The following MCPH1 variants were observed in gnomAD, a reference collection of about 807,000 sequenced individuals.
MCPH1 encodes the protein microcephalin 1, also known as microcephalin.
Under a neutral mutation model 84.5 loss-of-function variants are expected in MCPH1, and 104 were observed. That is an observed-to-expected ratio of 1.23 (90% CI 1.05 to 1.45). The LOEUF (loss-of-function observed/expected upper bound fraction) is 1.45, where lower values mean the gene tolerates loss of function less well. Among genes scored for constraint, MCPH1 ranks in the 40% most tolerant of loss-of-function variants. MCPH1 has a pLI of 0.00. For synonymous variants in MCPH1, 514 were observed against 366.8 expected, an observed-to-expected ratio of 1.40 and a Z score of -4.58; for missense variants, 1,498 against 1,005.7, an observed-to-expected ratio of 1.49 and a Z score of -6.62.
chr8:6,430,025 C>G (rs1801613282), intron 3 of MCPH1, among the ~76,000 whole-genome samples: 1 of 152,198 alleles, frequency 6.6e-6, no homozygotes, highest in Non-Finnish European at 1.5e-5. Flanking sequence ...CACAATGTCA[C>G]CCTGTTTGCT....
chr8:6,424,037 G>C (rs1271441146), intron 3 of MCPH1, among the ~76,000 whole-genome samples: 2 of 152,128 alleles, frequency 1.3e-5, no homozygotes, highest in African/African-American at 4.8e-5. Context: ...CAATGCAGTA[G>C]CTCATGGTTT....
intron 12 of MCPH1, among the ~76,000 whole-genome samples, chr8:6,600,229 A>G (rs2515540): frequency 0.46 from 69,962 of 152,148 alleles, 18,131 homozygotes; most frequent in Middle Eastern, 0.62. Context: ...GGTATTTTTA[A>G]GACTCACTAG....
Position 6,623,364 on chromosome 8 carries a change from C to G in MCPH1, c.2452+1673C>G, listed in dbSNP as rs982894437. On this transcript the variant is annotated intron_variant, in intron 13 of 13. Transcript: ENST00000344683. The stretch of plus-strand genomic sequence containing the variant: ...CCTCTCTCTCTCTCAATCTCTCTCT[C>G]TCTCTCCTGTTCTCTCATTCTTTTT... 2.6e-5 allele frequency among the ~76,000 whole-genome samples: 4 copies of G among 152,038 alleles called. No individual in the cohort carries two copies. In the East Asian group the frequency reaches 5.8e-4, roughly 22 times the overall value.
intron 3 of MCPH1, among the ~76,000 whole-genome samples, chr8:6,418,784 G>A (rs1444582664): frequency 6.6e-6 from 1 of 152,106 alleles, no homozygotes; most frequent in Non-Finnish European, 1.5e-5. Context: ...GTTTCACCAT[G>A]TTGGCCAGGA....
rs1341422231 is a variant in MCPH1, at chr8:6,426,944, G to T, written c.234-4555G>T. Among the ~76,000 whole-genome samples the T allele has an allele frequency of 2.0e-5, 3 of 152,294 alleles. No homozygotes were observed. The South Asian group carries it at 6.2e-4, about 32-fold the overall frequency. Reference sequence around the variant, plus strand: ...TCAGGTATTGCTTGACGACAGGGATGCCTTCTGAGAAACGAATAGGTGATT... The same window carrying T: ...TCAGGTATTGCTTGACGACAGGGATTCCTTCTGAGAAACGAATAGGTGATT... On this transcript the variant is annotated intron_variant, in intron 3 of 13. Coordinates refer to ENST00000344683, the MANE Select transcript of MCPH1 (RefSeq NM_024596.5).
intron 12 of MCPH1, among the ~76,000 whole-genome samples, chr8:6,535,727 C>T (rs548844399): frequency 6.6e-6 from 1 of 152,014 alleles, no homozygotes; most frequent in Non-Finnish European, 1.5e-5. Context: ...CAAAAATGTG[C>T]AGTAGTAGAT....
intron 12 of MCPH1, among the ~76,000 whole-genome samples, chr8:6,504,186 C>T (rs1431038110): frequency 2.0e-5 from 3 of 151,638 alleles, no homozygotes; most frequent in Non-Finnish European, 2.9e-5. Context: ...GGCGTGGTGG[C>T]GGACGCCTGT....
At chr8:6,562,468 C>A (rs950437754) in intron 12 of MCPH1, among the ~76,000 whole-genome samples, 1 of 148,170 alleles carries the variant, frequency 6.7e-6, no homozygotes, top group African/African-American at 2.5e-5. Flanking sequence ...TACCCACACA[C>A]CCTGGGATAG....
intron 12 of MCPH1, among the ~76,000 whole-genome samples, chr8:6,590,221 C>G (rs561196860): frequency 6.7e-6 from 1 of 150,132 alleles, no homozygotes; most frequent in South Asian, 2.1e-4. Context: ...AAAAAAAATA[C>G]AGATCCAACT....
At chr8:6,534,278 G>A (rs1167263749) in intron 12 of MCPH1, among the ~76,000 whole-genome samples, 3 of 152,134 alleles carry the variant, frequency 2.0e-5, no homozygotes, top group Admixed American at 2.0e-4. Flanking sequence ...TATTTACATG[G>A]CATTGACATT....
intron 11 of MCPH1, among the ~76,000 whole-genome samples, chr8:6,498,706 T>A (rs1329877863): frequency 6.6e-6 from 1 of 152,228 alleles, no homozygotes; most frequent in Non-Finnish European, 1.5e-5. Context: ...TTGCCTCTTG[T>A]CTGAAATGAA....
At chr8:6,474,567 A>G (rs1808191165) in intron 9 of MCPH1, among the ~76,000 whole-genome samples, 1 of 152,226 alleles carries the variant, frequency 6.6e-6, no homozygotes, top group Non-Finnish European at 1.5e-5. Context: ...TGTTAAAAAA[A>G]GTTTGTCAGG....
At chr8:6,599,363 GC>G (rs1258684710) in intron 12 of MCPH1, among the ~76,000 whole-genome samples, 3 of 152,128 alleles carry the variant, frequency 2.0e-5, no homozygotes, top group African/African-American at 7.2e-5. Flanking sequence ...ATGACGCCAG[GC>G]CCCAACTGTT....
intron 12 of MCPH1, among the ~76,000 whole-genome samples, chr8:6,504,150 C>T (rs1388343559): frequency 6.6e-6 from 1 of 151,868 alleles, no homozygotes; most frequent in Non-Finnish European, 1.5e-5. Context: ...AACCCCGTCT[C>T]TACTAAAAAT....
intron 12 of MCPH1, among the ~76,000 whole-genome samples, chr8:6,553,210 A>G (rs1452968511): frequency 6.6e-6 from 1 of 152,180 alleles, no homozygotes; most frequent in Non-Finnish European, 1.5e-5. Flanking sequence ...GAGGGGGGAT[A>G]TGGGAACTCT....
Position 6,643,865 on chromosome 8 carries a change from A to G in MCPH1, c.*816A>G, listed in dbSNP as rs1490213518. The G allele has an allele frequency of 6.6e-6, 1 of 152,206 alleles. No individual in the cohort carries two copies. Among genetic ancestry groups the G allele is most frequent in the Non-Finnish European group, 1.5e-5 (1 of 68,048 alleles). The allele number at this position is 152,206 out of a possible 1,614,324, so 9.4% of individuals were successfully genotyped here. ...CTGCAAGCCTGCTTTATGGTGAGCAAAGCATCACCAGCAAGTGATCACAAT... is the reference window on the plus strand; with the variant it reads ...CTGCAAGCCTGCTTTATGGTGAGCAGAGCATCACCAGCAAGTGATCACAAT... On this transcript the variant is annotated 3_prime_UTR_variant, in exon 14 of 14. Coordinates refer to ENST00000344683, the MANE Select transcript of MCPH1 (RefSeq NM_024596.5).
chr8:6,634,298 C>T (rs1797379879), intron 13 of MCPH1, among the ~76,000 whole-genome samples: 1 of 152,304 alleles, frequency 6.6e-6, no homozygotes, highest in South Asian at 2.1e-4. Flanking sequence ...AGTTTTAAAG[C>T]ATCTGCAGAT....
intron 3 of MCPH1, among the ~76,000 whole-genome samples, chr8:6,428,722 C>T (rs1337545478): frequency 6.6e-6 from 1 of 151,774 alleles, no homozygotes; most frequent in South Asian, 2.1e-4. Flanking sequence ...GAATCATGTT[C>T]CATTGTATGG....
chr8:6,549,383 A>G (rs1352214482), intron 12 of MCPH1, among the ~76,000 whole-genome samples: 1 of 152,260 alleles, frequency 6.6e-6, no homozygotes, highest in Admixed American at 6.5e-5. Context: ...CATGACATTC[A>G]AAACCTAGCA....
Sources: allele counts gnomAD v4.1 joint callset (sites outside exome capture counted in the v4.1 genomes callset), GRCh38; gene constraint gnomAD v4.1.1; transcripts MANE v1.5; gene names NCBI Gene and HGNC (gene_info 2026-07-23, HGNC 2026-07-21).